Variants in PLCG2 observed in about 807,000 individuals in gnomAD.
PLCG2 encodes the protein phospholipase C gamma 2.
PLCG2 carries 69 observed loss-of-function variants against 175.6 expected under a neutral mutation model. The observed-to-expected ratio is 0.39, with a 90% confidence interval of 0.32 to 0.48. The LOEUF (loss-of-function observed/expected upper bound fraction) is 0.48, where lower values mean the gene tolerates loss of function less well. PLCG2 is among the 20% of genes least tolerant of loss of function. The pLI, the probability that PLCG2 is intolerant of heterozygous loss-of-function variation, is 0.91. For missense variants in PLCG2, 1,798 were observed against 1,650.9 expected, an observed-to-expected ratio of 1.09 and a Z score of -1.54; for synonymous variants, 827 against 624.0, an observed-to-expected ratio of 1.33 and a Z score of -4.85.
intron 2 of PLCG2, among the ~76,000 whole-genome samples, chr16:81,793,100 C>T (rs773304979): frequency 6.6e-6 from 1 of 152,202 alleles, no homozygotes; most frequent in Non-Finnish European, 1.5e-5. Flanking sequence ...CAAGGCCTGG[C>T]CTCTGGCAGA....
chr16:81,776,290 C>T (rs7498617), upstream of PLCG2, among the ~76,000 whole-genome samples: 110,627 of 150,180 alleles, frequency 0.74, 40,857 homozygotes, highest in African/African-American at 0.77. Context: ...TTTGTATTTT[C>T]AGTAGAGACG....
At chr16:81,840,996 T>C (rs1375299881) in intron 2 of PLCG2, among the ~76,000 whole-genome samples, 1 of 152,128 alleles carries the variant, frequency 6.6e-6, no homozygotes, top group East Asian at 1.9e-4. Context: ...CTCTTATCTA[T>C]TGAATAGTTC....
chr16:81,911,790 C>CTTTTTT (rs35027472), intron 18 of PLCG2, among the ~76,000 whole-genome samples: 12 of 67,246 alleles, frequency 1.8e-4, no homozygotes, highest in African/African-American at 3.7e-4. Context: ...TTTGTATTTC[C>CTTTTTT]TTTTTTTTTT....
At position 81,761,934 on chromosome 16, in the gene PLCG2, T is replaced by A. The variant is rs1356039376; in HGVS notation, c.-48+5968T>A. On this transcript the variant is annotated intron_variant, in intron 2 of 5. Coordinates refer to the PLCG2 transcript ENST00000565054. ...CTAACCTCTGCCTCCTAGGTTCAAG[T>A]GATTCTCCTGCCTCAGTTTCCCAAG... Among the ~76,000 whole-genome samples, 4 of 151,090 alleles carry A rather than the reference T, an allele frequency of 2.6e-5. No homozygotes were observed. In the East Asian group the frequency reaches 7.8e-4, roughly 30 times the overall value.
intron 1 of PLCG2, among the ~76,000 whole-genome samples, chr16:81,744,346 G>T (rs1909661798): frequency 6.6e-6 from 1 of 151,596 alleles, no homozygotes; most frequent in African/African-American, 2.4e-5. Flanking sequence ...TGTATTTTTA[G>T]TAGAGACGGG....
rs1567484897 is a variant in PLCG2, at chr16:81,827,189, G to GT, written c.194-27255_194-27254insT. 3.2e-5 allele frequency among the ~76,000 whole-genome samples: 4 copies of GT among 123,676 alleles called. No homozygotes were observed. The South Asian group carries it at 7.6e-4, about 24-fold the overall frequency. The allele number at this position is 123,676 out of a possible 152,430, so 81.1% of individuals were successfully genotyped here. On this transcript the variant is annotated intron_variant, in intron 2 of 32. Transcript: ENST00000564138. ...TCTCATACATTATAGAGGATTGCTG[G>GT]GTTTTTTTTTTTTTGGGGACAGGGT... is the stretch of plus-strand genomic sequence containing the variant.
chr16:81,947,608 G>T (rs1490118118), intron 31 of PLCG2, among the ~76,000 whole-genome samples: 1 of 152,208 alleles, frequency 6.6e-6, no homozygotes, highest in African/African-American at 2.4e-5. Context: ...TCCAGTAAGG[G>T]CTAAGATGGA....
At chr16:81,831,929 C>T (rs1410132640) in intron 2 of PLCG2, among the ~76,000 whole-genome samples, 1 of 152,198 alleles carries the variant, frequency 6.6e-6, no homozygotes, top group African/African-American at 2.4e-5. Flanking sequence ...CTCATTTGCA[C>T]AGGCAAAGCG....
chr16:81,740,830 T>C (rs1390144092), intron 1 of PLCG2, among the ~76,000 whole-genome samples: 2 of 145,334 alleles, frequency 1.4e-5, no homozygotes, highest in Non-Finnish European at 3.0e-5. Flanking sequence ...GGGGCTGTGG[T>C]CAGCATCCCT....
At chr16:81,796,830 G>T (rs1197889326) in intron 2 of PLCG2, among the ~76,000 whole-genome samples, 2 of 152,148 alleles carry the variant, frequency 1.3e-5, no homozygotes, top group Non-Finnish European at 1.5e-5. Context: ...TGGACTTCTG[G>T]TCTCCAGAAC....
chr16:81,924,919 G>A (rs571244656), intron 22 of PLCG2, among the ~76,000 whole-genome samples: 3 of 152,214 alleles, frequency 2.0e-5, no homozygotes, highest in Non-Finnish European at 4.4e-5. Context: ...CCCTCCACTC[G>A]AAGTGGCACA....
chr16:81,747,908 G>A (rs1480409022), intron 1 of PLCG2, among the ~76,000 whole-genome samples: 1 of 151,414 alleles, frequency 6.6e-6, no homozygotes, highest in African/African-American at 2.4e-5. Context: ...TTTTTGAGAT[G>A]GAATCACCCA....
intron 9 of PLCG2, among the ~76,000 whole-genome samples, chr16:81,884,514 T>G (rs973843278): frequency 1.3e-5 from 2 of 152,258 alleles, no homozygotes; most frequent in Middle Eastern, 3.4e-3. Context: ...TGGTTTACCC[T>G]TTTTGTGCCC....
At chr16:81,862,665 T>C (rs1038204087) in intron 5 of PLCG2, among the ~76,000 whole-genome samples, 3 of 151,688 alleles carry the variant, frequency 2.0e-5, no homozygotes, top group African/African-American at 7.3e-5. Flanking sequence ...AGCTCAGGAG[T>C]TGGAGACCAG....
intron 22 of PLCG2, among the ~76,000 whole-genome samples, chr16:81,926,677 C>G (rs1910288310): frequency 6.6e-6 from 1 of 152,172 alleles, no homozygotes; most frequent in Non-Finnish European, 1.5e-5. Flanking sequence ...CACAGAAAGC[C>G]TCCACCGTCA....
chr16:81,750,531 A>C (rs1336065457), intron 1 of PLCG2, among the ~76,000 whole-genome samples: 2 of 152,090 alleles, frequency 1.3e-5, no homozygotes, highest in Non-Finnish European at 2.9e-5. Context: ...GGTTCATTGC[A>C]GCATCATTCA....
At chr16:81,859,911 A>G (rs953201687) in intron 5 of PLCG2, among the ~76,000 whole-genome samples, 7 of 152,008 alleles carry the variant, frequency 4.6e-5, no homozygotes, top group African/African-American at 1.4e-4. Context: ...TGACTTTTTC[A>G]CTTAAAAGTA....
rs182164004 is a variant in PLCG2 at position 81,960,608 on chromosome 16, T to C, written c.*2610T>C. On this transcript the variant is annotated 3_prime_UTR_variant, in exon 33 of 33. Transcript: ENST00000564138. ...AGTGAAAGGTGTAGAGGGTCTTGTTTTCCAAATTCGATCTCAGAATCTTTT... is the reference window on the plus strand; with the variant it reads ...AGTGAAAGGTGTAGAGGGTCTTGTTCTCCAAATTCGATCTCAGAATCTTTT... 3.0e-3 allele frequency: 690 copies of C among 231,610 alleles called. 2 individuals are homozygous for C. Among genetic ancestry groups the C allele is most frequent in the Non-Finnish European group, 4.4e-3 (519 of 117,022 alleles). The allele number at this position is 231,610 out of a possible 1,614,324, so 14.3% of individuals were successfully genotyped here.
intron 7 of PLCG2, among the ~76,000 whole-genome samples, chr16:81,873,374 C>T (rs913744417): frequency 7.9e-5 from 12 of 152,114 alleles, no homozygotes; most frequent in Admixed American, 2.0e-4. Context: ...AGGTTAAAAC[C>T]TGTAACTTTA....
Sources: gnomAD v4.1 joint callset for allele counts (sites outside exome capture counted in the v4.1 genomes callset) on GRCh38, gnomAD v4.1.1 for gene constraint, MANE v1.5 for transcripts, NCBI Gene and HGNC (gene_info 2026-07-23, HGNC 2026-07-21) for gene names.